CNBD2: variants seen among roughly 807,000 people sequenced by gnomAD.
CNBD2 encodes the protein cyclic nucleotide binding domain containing 2, also known as cyclic nucleotide-binding domain-containing protein 2.
A neutral mutation model predicts 63.7 loss-of-function variants in CNBD2; 64 were observed. That is an observed-to-expected ratio of 1.00 (90% CI 0.82 to 1.24). The LOEUF is 1.24. Ranked by LOEUF, CNBD2 falls within the 50% of genes most tolerant of loss-of-function variation. The pLI is 0.00. For missense variants in CNBD2, 691 were observed against 713.5 expected (o/e 0.97, Z 0.36); for synonymous variants, 229 against 255.4 (o/e 0.90, Z 0.99).
At position 35,978,769 on chromosome 20, in the gene CNBD2, G is replaced by A. The variant is rs545065795; in HGVS notation, c.244-1690G>A. Among the ~76,000 whole-genome samples the A allele has an allele frequency of 4.1e-4, 62 of 152,300 alleles. 1 individual carries two copies. In the Middle Eastern group the frequency reaches 0.017, roughly 42 times the overall value. On this transcript the variant is annotated intron_variant, in intron 3 of 11. Transcript: ENST00000373973. ...GGCCTCCCAAAGCACTGGGATTACA[G>A]GCATGAGCCACTATGCCCAGCAGTA...
chr20:35,964,954 G>T (rs1454275856), upstream of CNBD2, among the ~76,000 whole-genome samples: 3 of 152,002 alleles, frequency 2.0e-5, no homozygotes, highest in Non-Finnish European at 2.9e-5. Flanking sequence ...GTCCACCTTG[G>T]TCTCCCAAAG....
At chr20:36,020,333 G>A (rs1244367781) in intron 10 of CNBD2, among the ~76,000 whole-genome samples, 2 of 152,108 alleles carry the variant, frequency 1.3e-5, no homozygotes, top group African/African-American at 2.4e-5. Context: ...TGCCCACCTC[G>A]GCCTCCCAAA....
intron 8 of CNBD2, among the ~76,000 whole-genome samples, chr20:36,008,044 G>A (rs955666531): frequency 1.3e-5 from 2 of 152,132 alleles, no homozygotes; most frequent in South Asian, 2.1e-4. Context: ...GCTCTCTGCT[G>A]TTCATCTTAT....
intron 2 of CNBD2, chr20:35,973,735 G>A (rs888766153): frequency 6.6e-6 from 1 of 152,158 alleles, no homozygotes; most frequent in Admixed American, 6.5e-5. Flanking sequence ...AGATTTCCTA[G>A]AAGGTCCCAA....
chr20:35,995,058 G>T lies in CNBD2; in HGVS notation c.876G>T (p.Arg292=), dbSNP rs1036310088. 1 of 1,613,976 alleles carries T rather than the reference G, an allele frequency of 6.2e-7. No homozygotes were observed. The highest frequency in any genetic ancestry group is 1.3e-5 in the African/African-American group (1 of 74,912). Residue 292 remains arginine (R), a synonymous_variant, in exon 8 of 12, where the codon CGG becomes CGT. Transcript: ENST00000373973. ...FISKGSCEVL[R]LLDLGASPSY... ...TTCAGGGCAGCTGTGAAGTCCTGCGGCTGTTGGACCTTGGGGCCTCCCCTT... is the reference window on the plus strand; with the variant it reads ...TTCAGGGCAGCTGTGAAGTCCTGCGTCTGTTGGACCTTGGGGCCTCCCCTT...
Position 35,971,008 on chromosome 20 carries a change from C to T in CNBD2, c.52-1621C>T, listed in dbSNP as rs537202559. On this transcript the variant is annotated intron_variant, in intron 1 of 11. Transcript: ENST00000373973. Reference sequence around the variant, plus strand: ...TGTCGCCCAGGCTGGAGTGCAGTGGCGGGATCTCGGCTCACTGCAAGCTCC... The same window carrying T: ...TGTCGCCCAGGCTGGAGTGCAGTGGTGGGATCTCGGCTCACTGCAAGCTCC... Among the ~76,000 whole-genome samples, 98 of 146,432 alleles carry T rather than the reference C, an allele frequency of 6.7e-4. 1 individual carries two copies. Among genetic ancestry groups the T allele is most frequent in the African/African-American group, 2.2e-3 (86 of 39,380 alleles).
chr20:36,008,173 T>TAA, intron 8 of CNBD2, 124 bp from the exon 9 acceptor site: 1 of 732,044 alleles, frequency 1.4e-6, no homozygotes, highest in African/African-American at 1.8e-5. Context: ...CTTTTTTTTT[T>TAA]AAAAAATTTC....
In CNBD2 at chr20:35,972,722, A is replaced by G; in HGVS notation, c.145A>G (p.Ile49Val). 6.2e-7 allele frequency: 1 copy of G among 1,614,152 alleles called. No individual in the cohort carries two copies. The highest frequency in any genetic ancestry group is 2.2e-5 in the East Asian group (1 of 44,886). ...GLRGFREYQI[I>V]ETAHWKHPIF... ...CAGGGGATTCCGGGAATATCAAATC[A>G]TTGAGACTGCTCACTGGAAGCACCC... The change falls in exon 2 of 12, where the codon ATT (isoleucine) becomes GTT (valine). Residue 49 changes from isoleucine to valine, a missense_variant. Transcript: ENST00000373973.
intron 8 of CNBD2, among the ~76,000 whole-genome samples, chr20:36,003,997 C>T (rs2056950573): frequency 6.6e-6 from 1 of 152,100 alleles, no homozygotes. Flanking sequence ...AAGTGTCTGG[C>T]CTCATGGGTG....
At chr20:36,015,510 T>G (rs1326440839) in intron 10 of CNBD2, among the ~76,000 whole-genome samples, 2 of 152,148 alleles carry the variant, frequency 1.3e-5, no homozygotes, top group Non-Finnish European at 2.9e-5. Flanking sequence ...ACAAGGGCTC[T>G]TTGGAAGAAT....
intron 5 of CNBD2, 113 bp from the exon 6 acceptor site, chr20:35,984,514 G>A (rs900785501): frequency 1.6e-5 from 18 of 1,143,020 alleles, no homozygotes; most frequent in Non-Finnish European, 2.0e-5. Context: ...GGAACACACA[G>A]TCTGGTGAGG....
chr20:35,980,658 AG>A, intron 4 of CNBD2, 36 bp downstream of exon 4: 1 of 1,604,080 alleles, frequency 6.2e-7, no homozygotes, highest in Non-Finnish European at 8.5e-7. Flanking sequence ...CACCAGGCTG[AG>A]GCTGGACTGA....
Position 36,023,724 on chromosome 20 carries a change from T to C in CNBD2, c.1392T>C (p.Asp464=). The change falls in exon 11 of 12, where the codon GAT becomes GAC. Residue 464 remains aspartate, a synonymous_variant. Transcript: ENST00000373973. ...KEIFYELIDN[D]DEMIKKLLKL... is the part of the protein sequence containing the mutation. ...TATTTTATGAACTGATTGACAATGA[T>C]GACGAGATGATAAAAAAGTTGTTAA... 6.2e-7 allele frequency: 1 copy of C among 1,613,616 alleles called. No homozygotes were observed. The highest frequency in any genetic ancestry group is 1.1e-5 in the South Asian group (1 of 90,980).
chr20:35,995,361 T>G (rs1344654065), intron 8 of CNBD2, among the ~76,000 whole-genome samples: 1 of 152,124 alleles, frequency 6.6e-6, no homozygotes, highest in Non-Finnish European at 1.5e-5. Context: ...TTTTGCTGTT[T>G]AGGTTCTCCC....
chr20:36,002,018 C>G lies in CNBD2; in HGVS notation c.971-6279C>G, dbSNP rs542493322. On this transcript the variant is annotated intron_variant, in intron 8 of 11. Coordinates refer to ENST00000373973, the MANE Select transcript of CNBD2 (RefSeq NM_001365709.1). ...GTGGCGGCCGGGCAGAGGCTGCACT[C>G]TCGGCACTTTGGGAGGCCAAGGCAG... Among the ~76,000 whole-genome samples, 64 of 152,372 alleles carry G rather than the reference C, an allele frequency of 4.2e-4. 3 individuals are homozygous for G. The East Asian group carries it at 0.012, about 29-fold the overall frequency.
In CNBD2 at chr20:35,995,101, T is replaced by G; in HGVS notation, c.919T>G (p.Trp307Gly). The change falls in exon 8 of 12, where the codon TGG becomes GGG. Residue 307 changes from tryptophan (W) to glycine (G), a missense_variant. Transcript: ENST00000373973. ...GASPSYRRWIWQHLELIDGRP... is the reference protein window; with the variant it reads ...GASPSYRRWIGQHLELIDGRP... ...CTCCCCTTCCTACCGTAGATGGATCTGGCAGCACCTGGAGCTGATAGATGG... is the reference window on the plus strand; with the variant it reads ...CTCCCCTTCCTACCGTAGATGGATCGGGCAGCACCTGGAGCTGATAGATGG... 2 of 1,614,124 alleles carry G rather than the reference T, an allele frequency of 1.2e-6. No homozygotes were observed. Among genetic ancestry groups the G allele is most frequent in the Non-Finnish European group, 1.7e-6 (2 of 1,179,972 alleles).
At position 35,977,586 on chromosome 20, in the gene CNBD2, G is replaced by A. The variant is rs886927637; in HGVS notation, c.243+1584G>A. On this transcript the variant is annotated intron_variant, in intron 3 of 11. Transcript: ENST00000373973. ...CCAGAATTTTGGGAGGCTGAGGTGC[G>A]AGGATTGCTGGAGCCTGGGAAATCG... 7.9e-5 allele frequency among the ~76,000 whole-genome samples: 12 copies of A among 152,300 alleles called. 1 individual carries two copies. The South Asian group carries it at 8.3e-4, about 11-fold the overall frequency.
At chr20:35,991,952 C>T (rs376222175) in intron 7 of CNBD2, among the ~76,000 whole-genome samples, 2 of 152,018 alleles carry the variant, frequency 1.3e-5, no homozygotes, top group South Asian at 4.1e-4. Flanking sequence ...ACGATCTTGG[C>T]TCACTGCAAC....
At chr20:36,017,078 T>C (rs1296714347) in intron 10 of CNBD2, among the ~76,000 whole-genome samples, 1 of 130,340 alleles carries the variant, frequency 7.7e-6, no homozygotes, top group African/African-American at 2.9e-5. Context: ...AAAAAAAAAA[T>C]GCAGTTGTGG....
Sources: gnomAD v4.1 joint callset for allele counts (sites outside exome capture counted in the v4.1 genomes callset) on GRCh38, gnomAD v4.1.1 for gene constraint, MANE v1.5 for transcripts, NCBI Gene and HGNC (gene_info 2026-07-23, HGNC 2026-07-21) for gene names.